The following ACAD10 variants were observed in gnomAD, a reference collection of about 807,000 sequenced individuals.
ACAD10 encodes the protein ACAD-10.
Under a neutral mutation model 116.8 loss-of-function variants are expected in ACAD10, and 112 were observed. The ratio of observed to expected loss-of-function variants is 0.96; its 90% confidence interval spans 0.82 to 1.12. The LOEUF is 1.12. Among genes scored for constraint, ACAD10 ranks in the 50% most tolerant of loss-of-function variants. The pLI, the probability that ACAD10 is intolerant of heterozygous loss-of-function variation, is 0.00. For missense variants in ACAD10, 1,259 were observed against 1,350.2 expected (o/e 0.93, Z 1.06); for synonymous variants, 486 against 510.6 (o/e 0.95, Z 0.65).
At chr12:111,727,615 C>T (rs1309752319) in intron 8 of ACAD10, among the ~76,000 whole-genome samples, 2 of 152,174 alleles carry the variant, frequency 1.3e-5, no homozygotes, top group African/African-American at 4.8e-5. Context: ...TTGCTGCTTG[C>T]TACATTATTA....
At chr12:111,720,769 ATTTC>A (rs1406200465) in intron 7 of ACAD10, among the ~76,000 whole-genome samples, 1 of 150,954 alleles carries the variant, frequency 6.6e-6, no homozygotes, top group East Asian at 1.9e-4. Flanking sequence ...TTTTTATTTT[ATTTC>A]TTTTATTTAT....
At chr12:111,723,391 C>T (rs1248106863) in intron 8 of ACAD10, among the ~76,000 whole-genome samples, 4 of 138,344 alleles carry the variant, frequency 2.9e-5, no homozygotes, top group South Asian at 2.3e-4. Flanking sequence ...ACCTCCCTCC[C>T]GGACGGGGCG....
intron 2 of ACAD10, among the ~76,000 whole-genome samples, chr12:111,698,557 A>G (rs906425547): frequency 6.6e-6 from 1 of 150,990 alleles, no homozygotes; most frequent in African/African-American, 2.4e-5. Flanking sequence ...GGCTCACCAC[A>G]ACTTCTGCCT....
At chr12:111,716,225 GC>G (rs1888844219) in intron 7 of ACAD10, among the ~76,000 whole-genome samples, 1 of 151,786 alleles carries the variant, frequency 6.6e-6, no homozygotes. Flanking sequence ...CCAAAAAAAA[GC>G]CTGGGTGTGC....
chr12:111,731,771 C>T (rs1283542419), intron 10 of ACAD10, among the ~76,000 whole-genome samples: 1 of 152,170 alleles, frequency 6.6e-6, no homozygotes, highest in Non-Finnish European at 1.5e-5. Flanking sequence ...GCATAAACTG[C>T]TGCAGCTACT....
chr12:111,698,375 G>C (rs1400321202), intron 2 of ACAD10, among the ~76,000 whole-genome samples: 2 of 141,666 alleles, frequency 1.4e-5, no homozygotes, highest in Admixed American at 7.1e-5. Flanking sequence ...CTAGTCTAAA[G>C]TGATTCTCCC....
chr12:111,747,600 C>T (rs1889950269), intron 16 of ACAD10: 6 of 1,378,240 alleles, frequency 4.4e-6, no homozygotes, highest in Admixed American at 3.0e-5. Context: ...CAGGGACGTC[C>T]CCCGGTGCCC....
At chr12:111,755,081 C>T (rs999456403) in intron 19 of ACAD10, among the ~76,000 whole-genome samples, 6 of 151,982 alleles carry the variant, frequency 3.9e-5, no homozygotes, top group South Asian at 2.1e-4. Context: ...TTTCTGCCTT[C>T]GGGTCTTTTT....
At chr12:111,733,692 GA>G (rs1241182069) in intron 10 of ACAD10, 1 of 564,576 alleles carries the variant, frequency 1.8e-6, no homozygotes, top group African/African-American at 1.9e-5. Flanking sequence ...AGGAGCTGGG[GA>G]AATAAATAAC....
At chr12:111,746,120 C>T (rs765416867) in intron 13 of ACAD10, 24 bp from the exon 14 acceptor site, 2 of 1,602,882 alleles carry the variant, frequency 1.2e-6, no homozygotes, top group Non-Finnish European at 1.7e-6. Flanking sequence ...ACTGTGGTTT[C>T]CTGACTTATT....
chr12:111,729,886 A>G lies in ACAD10; in HGVS notation c.1324A>G (p.Arg442Gly). Residue 442 changes from arginine to glycine, a missense_variant, in exon 10 of 21, where the codon AGG becomes GGG. Arg to Gly is a moderately radical substitution (Grantham distance 125, BLOSUM62 -2). Transcript: ENST00000313698. ...AACTAGCACCATCCCAGCCATGGAG[A>G]GGCTGATCGAATGGCTGCCCCTCCA... is the stretch of plus-strand genomic sequence containing the variant. Reference protein sequence around the residue: ...SETSTIPAMERLIEWLPLHLP... With the variant: ...SETSTIPAMEGLIEWLPLHLP... 1.2e-6 allele frequency: 2 copies of G among 1,614,070 alleles called. No homozygotes were observed. Among genetic ancestry groups the G allele is most frequent in the Non-Finnish European group, 1.7e-6 (2 of 1,180,014 alleles).
At chr12:111,707,410 T>C (rs1024757955) in intron 4 of ACAD10, among the ~76,000 whole-genome samples, 4 of 130,408 alleles carry the variant, frequency 3.1e-5, no homozygotes, top group Non-Finnish European at 6.2e-5. Flanking sequence ...TTGGATACTT[T>C]AAAAATGTTT....
At chr12:111,749,070 G>A (rs1377770064) in intron 17 of ACAD10, 103 bp from the exon 18 acceptor site, 1 of 1,613,342 alleles carries the variant, frequency 6.2e-7, no homozygotes, top group East Asian at 2.2e-5. Context: ...TAAATAAAGG[G>A]CAGGGACATT....
chr12:111,748,342 C>CT lies in ACAD10; in HGVS notation c.2512dup (p.Cys838LeufsTer49), dbSNP rs2135991199. On this transcript the variant is annotated frameshift_variant, in exon 17 of 21. Transcript: ENST00000313698. LOFTEE classifies it high-confidence loss of function. ...GCATCCTGGATCCTCGTTGCCAACT[C>CT]TGTGTGTTTATGGGAAAAACAGACC... 1.9e-6 allele frequency: 3 copies of CT among 1,614,186 alleles called. No homozygotes were observed. Among genetic ancestry groups the CT allele is most frequent in the Non-Finnish European group, 2.5e-6 (3 of 1,180,040 alleles).
intron 8 of ACAD10, among the ~76,000 whole-genome samples, chr12:111,723,584 C>T (rs1299455736): frequency 1.6e-4 from 21 of 129,572 alleles, no homozygotes; most frequent in South Asian, 2.6e-4. Flanking sequence ...GGTGGCTGGC[C>T]GGGTGGGGGG....
intron 12 of ACAD10, among the ~76,000 whole-genome samples, chr12:111,739,707 A>G (rs978722475): frequency 2.0e-5 from 3 of 152,028 alleles, no homozygotes; most frequent in Non-Finnish European, 4.4e-5. Flanking sequence ...GCGGCGAGCC[A>G]TGATTGCATC....
In ACAD10 at chr12:111,702,408, G is replaced by A. The variant is rs192498578; in HGVS notation, c.336+98G>A. 2,781 of 1,466,612 alleles carry A rather than the reference G, an allele frequency of 1.9e-3. 6 individuals are homozygous for A. The highest frequency in any genetic ancestry group is 2.2e-3 in the Non-Finnish European group (2,373 of 1,076,652). 90.8% of individuals were successfully genotyped at this position (1,466,612 alleles called of 1,614,324 possible). ...AAGTTAGTTAAACTGAAAATAAAGT[G>A]AAACCTAATAACCCATTACATGTTT... On this transcript the variant is annotated intron_variant, in intron 3 of 20. Coordinates refer to ENST00000313698, the MANE Select transcript of ACAD10 (RefSeq NM_025247.6).
chr12:111,726,713 T>C (rs530974054), intron 8 of ACAD10, among the ~76,000 whole-genome samples: 1 of 151,802 alleles, frequency 6.6e-6, no homozygotes, highest in African/African-American at 2.4e-5. Context: ...TACAAAAAAT[T>C]AGCTGGTTGT....
Position 111,718,982 on chromosome 12 carries a change from A to G in ACAD10, c.993-2689A>G, listed in dbSNP as rs571658586. Among the ~76,000 whole-genome samples the G allele has an allele frequency of 3.3e-5, 5 of 151,952 alleles. 1 individual carries two copies. The South Asian group carries it at 1.0e-3, about 32-fold the overall frequency. ...AAGCCAAGTGTGGTGGTGCACACCT[A>G]TAGTCCCAGCCAATCTCGAGGCTGA... is the stretch of plus-strand genomic sequence containing the variant. On this transcript the variant is annotated intron_variant, in intron 7 of 20. Coordinates refer to ENST00000313698, the MANE Select transcript of ACAD10 (RefSeq NM_025247.6).
Sources: gnomAD v4.1 joint callset for allele counts (sites outside exome capture counted in the v4.1 genomes callset) on GRCh38, gnomAD v4.1.1 for gene constraint, MANE v1.5 for transcripts, NCBI Gene and HGNC (gene_info 2026-07-23, HGNC 2026-07-21) for gene names.